The following LRRC4C variants were observed in gnomAD, a reference collection of about 807,000 sequenced individuals.
LRRC4C encodes leucine rich repeat containing 4C, also known as leucine-rich repeat-containing protein 4C.
In LRRC4C, 5 loss-of-function variants were observed where a neutral mutation model predicts 33.6. That is an observed-to-expected ratio of 0.15 (90% confidence interval 0.08 to 0.31). The LOEUF (loss-of-function observed/expected upper bound fraction) is 0.31. Among genes scored for constraint, LRRC4C ranks in the 10% least tolerant of loss-of-function variants. The pLI is 1.00. For missense variants in LRRC4C, 560 were observed against 796.7 expected, an observed-to-expected ratio of 0.70 and a Z score of 3.58; for synonymous variants, 329 against 302.0, an observed-to-expected ratio of 1.09 and a Z score of -0.93.
At chr11:41,456,770 G>A (rs762965345) in intron 1 of LRRC4C, among the ~76,000 whole-genome samples, 4 of 151,996 alleles carry the variant, frequency 2.6e-5, no homozygotes, top group Admixed American at 6.6e-5. Context: ...AACAAACCCT[G>A]GTAAACGTCA....
At chr11:41,031,944 A>G (rs1457370541) in intron 1 of LRRC4C, among the ~76,000 whole-genome samples, 7 of 152,030 alleles carry the variant, frequency 4.6e-5, no homozygotes, top group Non-Finnish European at 1.0e-4. Context: ...TTAAAAAAGT[A>G]CACCAGGGTT....
rs578227706 is a variant in LRRC4C at position 40,255,187 on chromosome 11, C to T, written c.-175-13589G>A. ...ATGTACAGGAAGTATGAGGATAGGA[C>T]TATACTTTTATACCTGTGGAAAAGC... On this transcript the variant is annotated intron_variant, in intron 4 of 6. Transcript: ENST00000528697. Among the ~76,000 whole-genome samples the T allele has an allele frequency of 6.6e-5, 10 of 152,168 alleles. No homozygotes were observed. In the East Asian group the frequency reaches 1.9e-3, roughly 30 times the overall value.
chr11:40,667,449 AC>A (rs1943870926), intron 2 of LRRC4C, among the ~76,000 whole-genome samples: 1 of 151,924 alleles, frequency 6.6e-6, no homozygotes, highest in Non-Finnish European at 1.5e-5. Flanking sequence ...TGCATAATCC[AC>A]TCCTCTTGAA....
At chr11:40,862,010 G>A (rs1954129588) in intron 2 of LRRC4C, among the ~76,000 whole-genome samples, 1 of 152,128 alleles carries the variant, frequency 6.6e-6, no homozygotes, top group Admixed American at 6.5e-5. Flanking sequence ...TGTAAAATCT[G>A]GAGGCAACAA....
chr11:40,648,915 G>A (rs534731967), intron 2 of LRRC4C, among the ~76,000 whole-genome samples: 16 of 152,242 alleles, frequency 1.1e-4, no homozygotes, highest in African/African-American at 2.6e-4. Context: ...CGGTAGCACC[G>A]TGATGCCCAC....
intron 1 of LRRC4C, among the ~76,000 whole-genome samples, chr11:41,033,699 G>A (rs1354880129): frequency 6.6e-6 from 1 of 151,906 alleles, no homozygotes; most frequent in Non-Finnish European, 1.5e-5. Context: ...TATTTTTAGG[G>A]CATTTCTTCT....
chr11:40,995,264 G>T (rs749422162), intron 1 of LRRC4C, among the ~76,000 whole-genome samples: 1 of 151,976 alleles, frequency 6.6e-6, no homozygotes, highest in African/African-American at 2.4e-5. Context: ...CTTTGTGTCT[G>T]CAGAGCTATG....
At chr11:41,216,850 C>A (rs1392330526) in intron 1 of LRRC4C, among the ~76,000 whole-genome samples, 1 of 152,110 alleles carries the variant, frequency 6.6e-6, no homozygotes, top group Non-Finnish European at 1.5e-5. Flanking sequence ...AAATAATAAA[C>A]TATAAAAGAA....
chr11:40,238,135 A>G (rs1865691039), intron 5 of LRRC4C, among the ~76,000 whole-genome samples: 1 of 152,176 alleles, frequency 6.6e-6, no homozygotes, highest in South Asian at 2.1e-4. Flanking sequence ...ATATCTTCCA[A>G]GGGTAGGCAA....
At chr11:41,037,322 A>G (rs1164470679) in intron 1 of LRRC4C, among the ~76,000 whole-genome samples, 2 of 150,146 alleles carry the variant, frequency 1.3e-5, no homozygotes, top group African/African-American at 2.5e-5. Flanking sequence ...AAAGTGATTG[A>G]TCAAATTTTC....
At chr11:40,820,514 G>A (rs997850533) in intron 2 of LRRC4C, among the ~76,000 whole-genome samples, 3 of 151,758 alleles carry the variant, frequency 2.0e-5, no homozygotes, top group Non-Finnish European at 4.4e-5. Context: ...ATAAAGTGGG[G>A]TTTATCCTAT....
intron 1 of LRRC4C, among the ~76,000 whole-genome samples, chr11:40,963,404 T>C (rs1187699857): frequency 6.6e-6 from 1 of 151,736 alleles, no homozygotes; most frequent in Non-Finnish European, 1.5e-5. Flanking sequence ...TAAATCAACA[T>C]GGGATAAATT....
At chr11:40,332,803 C>G (rs1320492093) in intron 3 of LRRC4C, among the ~76,000 whole-genome samples, 2 of 152,116 alleles carry the variant, frequency 1.3e-5, no homozygotes, top group Admixed American at 6.6e-5. Flanking sequence ...TTTTAGCTAC[C>G]TTATCTATTT....
chr11:40,738,753 G>T (rs1948008658), intron 2 of LRRC4C, among the ~76,000 whole-genome samples: 1 of 152,004 alleles, frequency 6.6e-6, no homozygotes, highest in Non-Finnish European at 1.5e-5. Flanking sequence ...ATCACAGCCA[G>T]AAACTTCTAT....
chr11:40,687,147 C>A (rs988596043), intron 2 of LRRC4C, among the ~76,000 whole-genome samples: 1 of 152,058 alleles, frequency 6.6e-6, no homozygotes, highest in African/African-American at 2.4e-5. Context: ...TTAAGGCTCT[C>A]TCAAGTGCAA....
At chr11:40,704,630 T>C (rs1300312123) in intron 2 of LRRC4C, among the ~76,000 whole-genome samples, 1 of 152,102 alleles carries the variant, frequency 6.6e-6, no homozygotes, top group Non-Finnish European at 1.5e-5. Context: ...CAATAATCTC[T>C]CCGGACCTCA....
chr11:41,380,647 A>G (rs1953109052), intron 1 of LRRC4C, among the ~76,000 whole-genome samples: 1 of 152,164 alleles, frequency 6.6e-6, no homozygotes. Flanking sequence ...TAAACAGGAT[A>G]AGTAAAAATG....
At chr11:40,923,876 T>C (rs1957296192) in intron 2 of LRRC4C, among the ~76,000 whole-genome samples, 1 of 152,118 alleles carries the variant, frequency 6.6e-6, no homozygotes, top group Admixed American at 6.6e-5. Flanking sequence ...GGCATTCTTC[T>C]ATAGAATTAA....
At chr11:40,324,350 CAA>C (rs1473201793) in intron 3 of LRRC4C, among the ~76,000 whole-genome samples, 2 of 152,156 alleles carry the variant, frequency 1.3e-5, no homozygotes, top group East Asian at 3.9e-4. Context: ...TGTCAGATGT[CAA>C]AAGAGGCCTT....
Sources: gnomAD v4.1 joint callset for allele counts (sites outside exome capture counted in the v4.1 genomes callset) on GRCh38, gnomAD v4.1.1 for gene constraint, MANE v1.5 for transcripts, NCBI Gene and HGNC (gene_info 2026-07-23, HGNC 2026-07-21) for gene names.